Variants in ERCC6L2 observed in about 807,000 individuals in gnomAD.
ERCC6L2 encodes ERCC excision repair 6 like 2, also known as DNA excision repair protein ERCC-6-like 2.
In ERCC6L2, 77 loss-of-function variants were observed where a neutral mutation model predicts 132.0. The observed-to-expected ratio is 0.58, with a 90% CI of 0.49 to 0.71. The LOEUF is 0.71. Ranked by LOEUF, ERCC6L2 falls within the 30% of genes least tolerant of loss-of-function variation. The pLI, the probability that ERCC6L2 is intolerant of heterozygous loss-of-function variation, is 0.00. For synonymous variants in ERCC6L2, 583 were observed against 632.4 expected, an observed-to-expected ratio of 0.92 and a Z score of 1.17; for missense variants, 1,542 against 1,837.6, an observed-to-expected ratio of 0.84 and a Z score of 2.94.
At chr9:96,023,238 G>A (rs541752719), downstream of ERCC6L2, among the ~76,000 whole-genome samples, 1 of 152,284 alleles carries the variant, frequency 6.6e-6, no homozygotes, top group South Asian at 2.1e-4. Flanking sequence ...GAACAGGGAA[G>A]GGATTTATGA....
chr9:95,942,506 A>T (rs1222445699), intron 12 of ERCC6L2, among the ~76,000 whole-genome samples: 1 of 152,128 alleles, frequency 6.6e-6, no homozygotes, highest in Non-Finnish European at 1.5e-5. Context: ...GGGAAAAAAA[A>T]TGGAGAGGGC....
intron 17 of ERCC6L2, among the ~76,000 whole-genome samples, chr9:95,998,696 A>G (rs1833552921): frequency 1.3e-5 from 2 of 152,210 alleles, no homozygotes; most frequent in Non-Finnish European, 2.9e-5. Flanking sequence ...TCAAAAAGGA[A>G]TGCAGCCCTG....
chr9:95,906,394 G>T (rs969219374), intron 3 of ERCC6L2, among the ~76,000 whole-genome samples: 6 of 152,134 alleles, frequency 3.9e-5, no homozygotes, highest in Admixed American at 6.6e-5. Context: ...AGTTTCTGCA[G>T]CATTGACTTT....
chr9:96,019,695 C>CA (rs1834251003), downstream of ERCC6L2: 1 of 152,340 alleles, frequency 6.6e-6, no homozygotes. Context: ...AGTCCATTCT[C>CA]ACGCTGCTAT....
rs991251740 is a variant in ERCC6L2 at position 96,015,025 on chromosome 9, T to G, written c.*1822T>G. On this transcript the variant is annotated 3_prime_UTR_variant, in exon 19 of 19. Transcript: ENST00000653738. The stretch of plus-strand genomic sequence containing the variant: ...CTTCATATATGTACAGTTTTTTTTT[T>G]TTTTTTTTTTTTTTTGAGATTGAGT... Among the ~76,000 whole-genome samples the G allele has an allele frequency of 1.3e-4, 16 of 126,074 alleles. No individual in the cohort carries two copies. Among genetic ancestry groups the G allele is most frequent in the Admixed American group, 3.1e-4 (4 of 12,770 alleles). 82.7% of individuals were successfully genotyped at this position (126,074 alleles called of 152,430 possible). A position where few individuals can be genotyped will look rare whatever the true frequency, so the allele number is the denominator to read the frequency against.
chr9:95,880,118 G>A (rs1351763853), intron 1 of ERCC6L2, among the ~76,000 whole-genome samples: 5 of 152,104 alleles, frequency 3.3e-5, no homozygotes, highest in Non-Finnish European at 5.9e-5. Context: ...AGTGTAATAG[G>A]ATCTTTGCAG....
chr9:95,892,778 C>T (rs535284202), intron 2 of ERCC6L2, among the ~76,000 whole-genome samples: 12 of 152,124 alleles, frequency 7.9e-5, no homozygotes, highest in East Asian at 1.9e-4. Context: ...TTTGAAGCTC[C>T]GTTATTAGGG....
At chr9:95,946,697 G>C (rs1354704146) in intron 12 of ERCC6L2, among the ~76,000 whole-genome samples, 1 of 152,106 alleles carries the variant, frequency 6.6e-6, no homozygotes, top group African/African-American at 2.4e-5. Context: ...TTTACAAATT[G>C]AAGGTTTGTA....
chr9:95,940,649 A>C (rs1830755486), intron 11 of ERCC6L2, among the ~76,000 whole-genome samples: 1 of 151,916 alleles, frequency 6.6e-6, no homozygotes, highest in African/African-American at 2.4e-5. Flanking sequence ...CAGTTCTTTT[A>C]AATTTGTTGA....
At chr9:95,944,173 A>G (rs1382421017) in intron 12 of ERCC6L2, among the ~76,000 whole-genome samples, 1 of 152,256 alleles carries the variant, frequency 6.6e-6, no homozygotes, top group Admixed American at 6.5e-5. Context: ...TATACATAAA[A>G]TGGAATACTA....
intron 12 of ERCC6L2, among the ~76,000 whole-genome samples, chr9:95,943,510 C>T (rs1047196710): frequency 2.0e-5 from 3 of 151,916 alleles, no homozygotes; most frequent in Admixed American, 6.6e-5. Context: ...CAACATTCTA[C>T]GTTTTAAAAA....
chr9:95,887,198 G>GA (rs1356255222), intron 2 of ERCC6L2, among the ~76,000 whole-genome samples: 1 of 151,862 alleles, frequency 6.6e-6, no homozygotes, highest in African/African-American at 2.4e-5. Flanking sequence ...TAAGTGGGTT[G>GA]GGGGGGAGAA....
chr9:95,901,579 A>AT (rs1828780848), intron 3 of ERCC6L2, among the ~76,000 whole-genome samples: 1 of 151,842 alleles, frequency 6.6e-6, no homozygotes, highest in Non-Finnish European at 1.5e-5. Flanking sequence ...GGAAAAGTAA[A>AT]TTTTTTAGCG....
intron 18 of ERCC6L2, among the ~76,000 whole-genome samples, chr9:96,005,358 T>A (rs4743458): frequency 1.3e-5 from 2 of 151,552 alleles, no homozygotes; most frequent in African/African-American, 4.8e-5. Context: ...GAGGAATGGG[T>A]TTGGCATCAA....
At chr9:95,981,041 C>T (rs879092713) in intron 17 of ERCC6L2, among the ~76,000 whole-genome samples, 1 of 152,112 alleles carries the variant, frequency 6.6e-6, no homozygotes, top group East Asian at 1.9e-4. Flanking sequence ...GACGTATTGT[C>T]TCAGTAAGAA....
chr9:95,981,133 C>A (rs959432061), intron 17 of ERCC6L2, among the ~76,000 whole-genome samples: 2 of 152,044 alleles, frequency 1.3e-5, no homozygotes, highest in African/African-American at 4.8e-5. Flanking sequence ...CTAAAGAATA[C>A]CATAGAGTCT....
At position 95,875,797 on chromosome 9, in the gene ERCC6L2, C is replaced by A. The variant is rs1275035240; in HGVS notation, c.-242C>A. On this transcript the variant is annotated 5_prime_UTR_variant, in exon 1 of 19. Transcript: ENST00000653738. ...ACACCGCTTTGCCAGCCTCACACAG[C>A]GTCCCCTGGCTCTGCCGCCGCTCCG... 3.5e-6 allele frequency: 2 copies of A among 568,840 alleles called. No individual in the cohort carries two copies. The highest frequency in any genetic ancestry group is 6.3e-6 in the Non-Finnish European group (2 of 315,998). The allele number at this position is 568,840 out of a possible 1,614,324, so 35.2% of individuals were successfully genotyped here.
rs575182122 is a variant in ERCC6L2 at position 96,015,860 on chromosome 9, G to C, written c.*2657G>C. On this transcript the variant is annotated 3_prime_UTR_variant, in exon 19 of 19. Transcript: ENST00000653738. ...ATGGGAGCAAAAATGCAGAACTGGA[G>C]TTTAAAAATTAGTTTCCAACAGTTG... 2.0e-5 allele frequency among the ~76,000 whole-genome samples: 3 copies of C among 152,226 alleles called. No homozygotes were observed. The highest frequency in any genetic ancestry group is 7.2e-5 in the African/African-American group (3 of 41,558).
chr9:95,906,172 G>A lies in ERCC6L2; in HGVS notation c.595-906G>A, dbSNP rs367935096. Among the ~76,000 whole-genome samples, 14 of 152,282 alleles carry A rather than the reference G, an allele frequency of 9.2e-5. No homozygotes were observed. The South Asian group carries it at 2.9e-3, about 32-fold the overall frequency. Reference sequence around the variant, plus strand: ...ACCTGAGTTTCAAGAGAGAGCAGGAGGAGAGTTAAGCACTGATAACTCTTG... The same window carrying A: ...ACCTGAGTTTCAAGAGAGAGCAGGAAGAGAGTTAAGCACTGATAACTCTTG... On this transcript the variant is annotated intron_variant, in intron 3 of 18. Coordinates refer to ENST00000653738, the MANE Select transcript of ERCC6L2 (RefSeq NM_020207.7).
Sources: allele counts gnomAD v4.1 joint callset (sites outside exome capture counted in the v4.1 genomes callset), GRCh38; gene constraint gnomAD v4.1.1; transcripts MANE v1.5; gene names NCBI Gene and HGNC (gene_info 2026-07-23, HGNC 2026-07-21).